EXOC6B: variants seen among roughly 807,000 people sequenced by gnomAD.
EXOC6B encodes exocyst complex component 6B.
A neutral mutation model predicts 113.5 loss-of-function variants in EXOC6B; 54 were observed. The observed-to-expected ratio is 0.48, with a 90% CI of 0.38 to 0.60. EXOC6B has a LOEUF of 0.60. Among genes scored for constraint, EXOC6B ranks in the 20% least tolerant of loss-of-function variants. The pLI, the probability that EXOC6B is intolerant of heterozygous loss-of-function variation, is 0.00. For missense variants in EXOC6B, 797 were observed against 977.5 expected, an observed-to-expected ratio of 0.82 and a Z score of 2.46; for synonymous variants, 357 against 339.0, an observed-to-expected ratio of 1.05 and a Z score of -0.58.
At chr2:72,547,082 A>G (rs1702952250) in intron 8 of EXOC6B, among the ~76,000 whole-genome samples, 2 of 152,358 alleles carry the variant, frequency 1.3e-5, no homozygotes, top group Non-Finnish European at 1.5e-5. Flanking sequence ...TTGCCTGGTG[A>G]AAGCATTCAG....
Position 72,819,247 on chromosome 2 carries a change from T to C in EXOC6B, c.113+6551A>G, listed in dbSNP as rs187134211. On this transcript the variant is annotated intron_variant, in intron 1 of 21. Transcript: ENST00000272427. ...AATATTTAATATAATAACATGCATA[T>C]AAAAAAGTTAAGAGGAAATATAAAA... 3.1e-4 allele frequency among the ~76,000 whole-genome samples: 47 copies of C among 152,162 alleles called. 1 individual carries two copies. Among genetic ancestry groups the C allele is most frequent in the Admixed American group, 1.4e-3 (21 of 15,284 alleles).
At position 72,440,240 on chromosome 2, in the gene EXOC6B, T is replaced by C. The variant is rs11900915; in HGVS notation, c.1980+24920A>G. ...TGCTGGGGTCCATTTCTGTGCCCAG[T>C]TGGCTTTGGTTCTCCAGGGTCGTAA... On this transcript the variant is annotated intron_variant, in intron 18 of 21. Transcript: ENST00000272427. 3.6e-3 allele frequency among the ~76,000 whole-genome samples: 548 copies of C among 152,264 alleles called. 10 individuals are homozygous for C. Among genetic ancestry groups the C allele is most frequent in the African/African-American group, 0.013 (535 of 41,570 alleles).
intron 6 of EXOC6B, among the ~76,000 whole-genome samples, chr2:72,614,295 T>C (rs1046395570): frequency 6.6e-6 from 1 of 152,118 alleles, no homozygotes; most frequent in Non-Finnish European, 1.5e-5. Flanking sequence ...CACAAAATCA[T>C]AGTGTACAGA....
intron 18 of EXOC6B, among the ~76,000 whole-genome samples, chr2:72,386,802 C>G (rs779730673): frequency 1.8e-4 from 28 of 152,106 alleles, no homozygotes; most frequent in Non-Finnish European, 2.9e-4. Flanking sequence ...CTATAGTAAC[C>G]TTTTTACTAT....
At chr2:72,513,047 A>G in intron 11 of EXOC6B, 85 bp downstream of exon 11, 2 of 1,469,292 alleles carry the variant, frequency 1.4e-6, no homozygotes, top group East Asian at 2.4e-5. Flanking sequence ...CCAAAGACAT[A>G]CATATGTTGA....
chr2:72,201,144 A>G lies in EXOC6B; in HGVS notation c.2197-16957T>C, dbSNP rs1050847007. ...GCATACATATGTGACATTATACATA[A>G]TATTCTGCAACTTGCTTTTTTCATT... is the stretch of plus-strand genomic sequence containing the variant. On this transcript the variant is annotated intron_variant, in intron 20 of 21. Transcript: ENST00000272427. 2.6e-5 allele frequency among the ~76,000 whole-genome samples: 4 copies of G among 152,180 alleles called. No homozygotes were observed. The East Asian group carries it at 7.7e-4, about 29-fold the overall frequency.
intron 5 of EXOC6B, among the ~76,000 whole-genome samples, chr2:72,730,577 GAGACAC>G (rs1410493309): frequency 8.6e-5 from 6 of 69,634 alleles, no homozygotes; most frequent in Non-Finnish European, 1.4e-4. Flanking sequence ...TAAACAGACA[GAGACAC>G]ACACACACAC....
chr2:72,805,538 T>C (rs962239066), intron 1 of EXOC6B, among the ~76,000 whole-genome samples: 1 of 152,206 alleles, frequency 6.6e-6, no homozygotes, highest in African/African-American at 2.4e-5. Context: ...TATAAATGTA[T>C]GCTATACAAC....
At chr2:72,317,939 G>C (rs913767049) in intron 20 of EXOC6B, among the ~76,000 whole-genome samples, 2 of 152,118 alleles carry the variant, frequency 1.3e-5, no homozygotes, top group Admixed American at 1.3e-4. Context: ...ACCTCTCTCT[G>C]ACTGATGTTT....
chr2:72,666,071 A>G (rs1024501428), intron 6 of EXOC6B, among the ~76,000 whole-genome samples: 3 of 152,230 alleles, frequency 2.0e-5, no homozygotes, highest in African/African-American at 4.8e-5. Context: ...ATGTAAACCA[A>G]CAACAAGCAA....
intron 6 of EXOC6B, among the ~76,000 whole-genome samples, chr2:72,691,596 G>A (rs1386283656): frequency 6.6e-6 from 1 of 151,150 alleles, no homozygotes; most frequent in Non-Finnish European, 1.5e-5. Flanking sequence ...AACTATATGG[G>A]TAAAAAAAAT....
At chr2:72,210,244 A>C (rs1010520933) in intron 20 of EXOC6B, among the ~76,000 whole-genome samples, 24 of 152,234 alleles carry the variant, frequency 1.6e-4, no homozygotes, top group African/African-American at 5.8e-4. Context: ...CTCTTAAGAA[A>C]GGAGAAAATA....
In EXOC6B at chr2:72,379,993, A is replaced by G; in HGVS notation, c.1981-123T>C. 3.6e-6 allele frequency: 3 copies of G among 828,430 alleles called. No individual in the cohort carries two copies. The South Asian group carries it at 7.4e-5, about 21-fold the overall frequency. 51.3% of individuals were successfully genotyped at this position (828,430 alleles called of 1,614,324 possible). ...ATTTCCCTAAGGTTCTCCTCATCATAATACCCTTCCATTCAAATAATCTTG... is the reference window on the plus strand; with the variant it reads ...ATTTCCCTAAGGTTCTCCTCATCATGATACCCTTCCATTCAAATAATCTTG... On this transcript the variant is annotated intron_variant, in intron 18 of 21. Transcript: ENST00000272427.
intron 5 of EXOC6B, 75 bp from the exon 6 acceptor site, chr2:72,718,382 T>C: frequency 8.2e-7 from 1 of 1,220,358 alleles, no homozygotes; most frequent in Non-Finnish European, 1.2e-6. Context: ...CCTGAATTGG[T>C]TTTCACTGTG....
intron 20 of EXOC6B, among the ~76,000 whole-genome samples, chr2:72,208,984 G>A (rs1017856087): frequency 2.0e-5 from 3 of 152,050 alleles, no homozygotes; most frequent in African/African-American, 7.2e-5. Flanking sequence ...AGCACTTTGG[G>A]AAGCTGAGGA....
At chr2:72,282,778 T>A (rs1009889442) in intron 20 of EXOC6B, among the ~76,000 whole-genome samples, 1 of 151,898 alleles carries the variant, frequency 6.6e-6, no homozygotes, top group African/African-American at 2.4e-5. Context: ...TATACTAACA[T>A]CAGACAAAGT....
At chr2:72,687,760 C>T (rs1677192347) in intron 6 of EXOC6B, among the ~76,000 whole-genome samples, 1 of 152,114 alleles carries the variant, frequency 6.6e-6, no homozygotes, top group African/African-American at 2.4e-5. Flanking sequence ...TCTCTCACCA[C>T]AGCAAAAAGT....
At chr2:72,326,881 G>A (rs1022303725) in intron 20 of EXOC6B, among the ~76,000 whole-genome samples, 2 of 152,016 alleles carry the variant, frequency 1.3e-5, no homozygotes, top group African/African-American at 4.8e-5. Flanking sequence ...GGAAAGTGCT[G>A]GGCAAGCCAG....
At chr2:72,526,085 T>C (rs1701735114) in intron 8 of EXOC6B, among the ~76,000 whole-genome samples, 1 of 152,128 alleles carries the variant, frequency 6.6e-6, no homozygotes, top group South Asian at 2.1e-4. Flanking sequence ...TCTAAACTGC[T>C]AAGGTAATTC....
Sources: allele counts gnomAD v4.1 joint callset (sites outside exome capture counted in the v4.1 genomes callset), GRCh38; gene constraint gnomAD v4.1.1; transcripts MANE v1.5; gene names NCBI Gene and HGNC (gene_info 2026-07-23, HGNC 2026-07-21).